RBFOX1: variants seen among roughly 807,000 people sequenced by gnomAD.
RBFOX1 encodes RNA binding protein fox-1 homolog 1.
Under a neutral mutation model 57.7 loss-of-function variants are expected in RBFOX1, and 8 were observed. The ratio of observed to expected loss-of-function variants is 0.14; its 90% CI spans 0.08 to 0.25. The LOEUF (loss-of-function observed/expected upper bound fraction) is 0.25. Among genes scored for constraint, RBFOX1 ranks in the 10% least tolerant of loss-of-function variants. RBFOX1 has a pLI of 1.00. For missense variants in RBFOX1, 611 were observed against 548.5 expected, an observed-to-expected ratio of 1.11 and a Z score of -1.14; for synonymous variants, 326 against 222.4, an observed-to-expected ratio of 1.47 and a Z score of -4.15.
chr16:6,698,626 A>AT (rs1324388227), intron 3 of RBFOX1, among the ~76,000 whole-genome samples: 5 of 152,110 alleles, frequency 3.3e-5, no homozygotes, highest in Admixed American at 1.3e-4. Context: ...TCCATCTGTT[A>AT]TTCACCGAGG....
chr16:5,499,908 C>T (rs758891317), intron 2 of RBFOX1, among the ~76,000 whole-genome samples: 32 of 152,162 alleles, frequency 2.1e-4, no homozygotes, highest in Admixed American at 7.2e-4. Flanking sequence ...ATCCACACTC[C>T]TGATGGCCAC....
At chr16:6,332,167 T>C (rs2083119833) in intron 2 of RBFOX1, among the ~76,000 whole-genome samples, 1 of 152,156 alleles carries the variant, frequency 6.6e-6, no homozygotes, top group South Asian at 2.1e-4. Context: ...CTGCCTCATT[T>C]AAGGTTTGAG....
chr16:7,599,820 A>G (rs1400913837), intron 9 of RBFOX1, among the ~76,000 whole-genome samples: 1 of 148,830 alleles, frequency 6.7e-6, no homozygotes, highest in Non-Finnish European at 1.5e-5. Flanking sequence ...TATTTTTTGT[A>G]GAGACGGAGT....
chr16:5,728,405 G>A (rs2052234869), intron 3 of RBFOX1, among the ~76,000 whole-genome samples: 2 of 152,162 alleles, frequency 1.3e-5, no homozygotes, highest in Admixed American at 1.3e-4. Flanking sequence ...ATGGTCTTGT[G>A]GAAGCATTTG....
intron 10 of RBFOX1, among the ~76,000 whole-genome samples, chr16:7,619,691 A>G (rs746724439): frequency 2.0e-5 from 3 of 152,204 alleles, no homozygotes; most frequent in Non-Finnish European, 2.9e-5. Context: ...AGATAAGAAG[A>G]GAGTATAGAA....
intron 1 of RBFOX1, chr16:5,365,981 A>G: frequency 2.0e-6 from 1 of 498,220 alleles, no homozygotes; most frequent in Admixed American, 2.0e-5. Flanking sequence ...TTGTGGAAGC[A>G]GAGGCAGTGA....
intron 4 of RBFOX1, among the ~76,000 whole-genome samples, chr16:7,055,860 A>T (rs372516576): frequency 1.3e-5 from 2 of 152,126 alleles, no homozygotes; most frequent in Admixed American, 1.3e-4. Flanking sequence ...GTTTCCTGTC[A>T]TTAGTTTTCA....
intron 3 of RBFOX1, among the ~76,000 whole-genome samples, chr16:6,765,938 C>T (rs781075222): frequency 1.3e-5 from 2 of 152,048 alleles, no homozygotes; most frequent in African/African-American, 4.8e-5. Context: ...TATGAGGATG[C>T]AAAGGTATAC....
chr16:7,204,571 G>C (rs558429221), intron 4 of RBFOX1, among the ~76,000 whole-genome samples: 1 of 152,172 alleles, frequency 6.6e-6, no homozygotes, highest in African/African-American at 2.4e-5. Context: ...ACTTGAGCCT[G>C]GGAGGTCAAG....
intron 1 of RBFOX1, among the ~76,000 whole-genome samples, chr16:6,108,667 A>G (rs1240987732): frequency 1.3e-5 from 2 of 152,246 alleles, no homozygotes; most frequent in East Asian, 1.9e-4. Flanking sequence ...AGAACTCTGA[A>G]GTCACATAGA....
intron 4 of RBFOX1, among the ~76,000 whole-genome samples, chr16:7,218,896 G>A (rs955236242): frequency 6.6e-6 from 1 of 152,090 alleles, no homozygotes; most frequent in Non-Finnish European, 1.5e-5. Context: ...CATGCAGTTA[G>A]CATGTTCAGC....
At chr16:6,803,005 T>C (rs1356027023) in intron 3 of RBFOX1, among the ~76,000 whole-genome samples, 1 of 152,196 alleles carries the variant, frequency 6.6e-6, no homozygotes, top group African/African-American at 2.4e-5. Context: ...TAAAAGTCTT[T>C]TAGCTGCCTT....
chr16:7,470,645 T>C (rs2061394952), intron 4 of RBFOX1, among the ~76,000 whole-genome samples: 1 of 152,040 alleles, frequency 6.6e-6, no homozygotes. Context: ...AGTGAGTGGA[T>C]AGACGGATGA....
At chr16:5,790,452 G>GA (rs1248730763) in intron 3 of RBFOX1, among the ~76,000 whole-genome samples, 3,348 of 130,436 alleles carry the variant, frequency 0.026, 129 homozygotes, top group African/African-American at 0.09. Flanking sequence ...GGAGCTCAAA[G>GA]GAAGAAAAAA....
rs370887797 is a variant in RBFOX1 at position 7,607,342 on chromosome 16, C to T, written c.676+4C>T. ...TACAGTCCCGAATTCTATGCAGGTA[C>T]AGAGTTTCTCTTTGCACGAAGTCTT... On this transcript the variant is annotated splice_donor_region_variant and intron_variant, in intron 10 of 15. Coordinates refer to ENST00000550418, the MANE Select transcript of RBFOX1 (RefSeq NM_018723.4). 1.3e-5 allele frequency: 21 copies of T among 1,607,602 alleles called. No individual in the cohort carries two copies. Among genetic ancestry groups the T allele is most frequent in the South Asian group, 2.2e-5 (2 of 89,030 alleles).
rs1370177200 is a variant in RBFOX1 at position 7,330,543 on chromosome 16, GAGAGA to G, written c.28-187602_28-187598del. 1.8e-4 allele frequency among the ~76,000 whole-genome samples: 27 copies of G among 150,620 alleles called. No individual in the cohort carries two copies. The South Asian group carries it at 3.0e-3, about 16-fold the overall frequency. On this transcript the variant is annotated intron_variant, in intron 4 of 15. Transcript: ENST00000550418. ...GTGTGTGTAGAGAGAGAGAGAGAGA[GAGAGA>G]AAGTTACATAAATACAATGGATCAC...
intron 1 of RBFOX1, among the ~76,000 whole-genome samples, chr16:6,153,406 C>G (rs975218879): frequency 3.3e-5 from 5 of 152,172 alleles, no homozygotes; most frequent in African/African-American, 1.2e-4. Flanking sequence ...TGGAAACACA[C>G]AATTGCTTTT....
intron 14 of RBFOX1, among the ~76,000 whole-genome samples, chr16:7,697,129 C>T (rs1192722407): frequency 6.6e-6 from 1 of 152,090 alleles, no homozygotes; most frequent in Non-Finnish European, 1.5e-5. Context: ...GACCAAACTG[C>T]CAAAGAACAG....
chr16:5,358,272 T>C (rs1314508961), intron 1 of RBFOX1, among the ~76,000 whole-genome samples: 2 of 146,192 alleles, frequency 1.4e-5, no homozygotes, highest in Non-Finnish European at 2.9e-5. Context: ...TATAAGGACA[T>C]AGTTTTATGG....
Sources: gnomAD v4.1 joint callset for allele counts (sites outside exome capture counted in the v4.1 genomes callset) on GRCh38, gnomAD v4.1.1 for gene constraint, MANE v1.5 for transcripts, NCBI Gene and HGNC (gene_info 2026-07-23, HGNC 2026-07-21) for gene names.